The following PPFIBP2 variants were observed in gnomAD, a reference collection of about 807,000 sequenced individuals.
The protein encoded by PPFIBP2 is PPFIB scaffold protein 2.
Under a neutral mutation model 118.3 loss-of-function variants are expected in PPFIBP2, and 118 were observed. The ratio of observed to expected loss-of-function variants is 1.00; its 90% CI spans 0.86 to 1.16. The LOEUF is 1.16. Ranked by LOEUF, PPFIBP2 falls within the 50% of genes most tolerant of loss-of-function variation. The probability of loss-of-function intolerance (pLI) is 0.00; values close to 1 mark genes in which losing one functional copy is unlikely to be tolerated. For synonymous variants in PPFIBP2, 414 were observed against 397.4 expected (o/e 1.04, Z -0.50); for missense variants, 1,195 against 1,073.1 (o/e 1.11, Z -1.59).
rs147136346 is a variant in PPFIBP2, at chr11:7,548,107, A to G, written c.-36-1333A>G. 2.6e-5 allele frequency among the ~76,000 whole-genome samples: 4 copies of G among 152,364 alleles called. No individual in the cohort carries two copies. In the East Asian group the frequency reaches 7.7e-4, roughly 29 times the overall value. ...TTTAATCATGACATCTATGAGTTAG[A>G]TGCTGTTATCCCCATTTTACAGATG... On this transcript the variant is annotated intron_variant, in intron 1 of 23. Coordinates refer to ENST00000299492, the MANE Select transcript of PPFIBP2 (RefSeq NM_003621.5).
intron 5 of PPFIBP2, chr11:7,606,107 C>G (rs1046635823): frequency 2.1e-6 from 3 of 1,401,154 alleles, no homozygotes; most frequent in Non-Finnish European, 2.8e-6. Context: ...GTGAAGAGCA[C>G]TGTCTTAGAA....
At chr11:7,584,676 G>A (rs1227800308) in intron 3 of PPFIBP2, among the ~76,000 whole-genome samples, 1 of 152,214 alleles carries the variant, frequency 6.6e-6, no homozygotes, top group African/African-American at 2.4e-5. Flanking sequence ...TTCCCTTGGT[G>A]TTGGGTAACC....
At chr11:7,591,041 C>G (rs1262159186) in intron 3 of PPFIBP2, among the ~76,000 whole-genome samples, 1 of 152,180 alleles carries the variant, frequency 6.6e-6, no homozygotes, top group Non-Finnish European at 1.5e-5. Context: ...GATCCCCCTT[C>G]TAGCATGTGC....
At chr11:7,636,578 T>G (rs2135828260) in intron 14 of PPFIBP2, among the ~76,000 whole-genome samples, 1 of 152,108 alleles carries the variant, frequency 6.6e-6, no homozygotes, top group Non-Finnish European at 1.5e-5. Flanking sequence ...CAGTCCCCCC[T>G]CCCACCTCAG....
chr11:7,569,504 TCTGGGGC>T (rs1442991318), intron 3 of PPFIBP2, among the ~76,000 whole-genome samples: 1 of 152,202 alleles, frequency 6.6e-6, no homozygotes, highest in Non-Finnish European at 1.5e-5. Flanking sequence ...GGGGATACCC[TCTGGGGC>T]CTCAGTGGGG....
chr11:7,558,617 G>A (rs965850884), intron 2 of PPFIBP2, among the ~76,000 whole-genome samples: 10 of 151,978 alleles, frequency 6.6e-5, no homozygotes, highest in Admixed American at 3.3e-4. Context: ...TTAGCCAGGC[G>A]TGGTGGCGCG....
At chr11:7,577,323 G>GTA (rs1856511067) in intron 3 of PPFIBP2, 8 of 265,436 alleles carry the variant, frequency 3.0e-5, no homozygotes, top group Non-Finnish European at 5.9e-5. Context: ...GTATGTGCGT[G>GTA]TGTGTGTGTG....
chr11:7,610,339 A>G lies in PPFIBP2; in HGVS notation c.535A>G (p.Thr179Ala), dbSNP rs778128882. 5.6e-6 allele frequency: 9 copies of G among 1,614,196 alleles called. No homozygotes were observed. The South Asian group carries it at 8.8e-5, about 16-fold the overall frequency. The change falls in exon 6 of 24, where the codon ACT (threonine) becomes GCT (alanine). Residue 179 changes from threonine to alanine, a missense_variant. Transcript: ENST00000299492. The stretch of plus-strand genomic sequence containing the variant: ...TGAGACCCAGAAGCTCGATCTGATG[A>G]CTGAAGTGTCTGAGCTGAAGCTCAA... The part of the protein sequence containing the change: ...SLETQKLDLM[T>A]EVSELKLKLV...
At chr11:7,533,426 A>G (rs1262765575) in intron 1 of PPFIBP2, among the ~76,000 whole-genome samples, 4 of 152,238 alleles carry the variant, frequency 2.6e-5, no homozygotes, top group Non-Finnish European at 4.4e-5. Flanking sequence ...GTCCTGTGCC[A>G]GGTTCTTTGC....
At chr11:7,602,256 G>T (rs753060048) in intron 5 of PPFIBP2, among the ~76,000 whole-genome samples, 18 of 152,290 alleles carry the variant, frequency 1.2e-4, no homozygotes, top group Non-Finnish European at 1.9e-4. Flanking sequence ...GCATTGCTCA[G>T]CTGCACAGTG....
chr11:7,520,369 C>A (rs1238524127), intron 1 of PPFIBP2, among the ~76,000 whole-genome samples: 2 of 152,152 alleles, frequency 1.3e-5, no homozygotes, highest in African/African-American at 4.8e-5. Context: ...TGCTGTTTTG[C>A]CGACGCACGC....
rs777630701 is a variant in PPFIBP2, at chr11:7,565,644, T to C, written c.156T>C (p.His52=). The change falls in exon 3 of 24, where the codon CAT becomes CAC. Residue 52 remains histidine, a synonymous_variant. Transcript: ENST00000299492. ...ACATGAACCCCTTCCCGGTGCTCCATCTCATCGAGGACTTGAGGCTGGCCT... is the reference window on the plus strand; with the variant it reads ...ACATGAACCCCTTCCCGGTGCTCCACCTCATCGAGGACTTGAGGCTGGCCT... ...ASYMNPFPVL[H]LIEDLRLALE... 1 of 1,614,052 alleles carries C rather than the reference T, an allele frequency of 6.2e-7. No individual in the cohort carries two copies.
At chr11:7,663,232 T>C in the PPFIBP2 span, among the ~76,000 whole-genome samples, 1,680 of 135,564 alleles carry the variant, frequency 0.012, 100 homozygotes, top group Admixed American at 0.04. Context: ...CTCTGCTTTT[T>C]AGAGTTTCCA....
At chr11:7,651,281 A>G (rs1853966417) in intron 22 of PPFIBP2, 2 of 330,194 alleles carry the variant, frequency 6.1e-6, no homozygotes, top group South Asian at 1.3e-4. Flanking sequence ...AGCCGTAAAA[A>G]TGCAGCTTCC....
intron 2 of PPFIBP2, among the ~76,000 whole-genome samples, chr11:7,550,053 A>G (rs1852788218): frequency 6.6e-6 from 1 of 152,174 alleles, no homozygotes; most frequent in Non-Finnish European, 1.5e-5. Context: ...TGGTTTTAAT[A>G]TTTGCATTAG....
chr11:7,527,234 T>TGGGTG (rs1172264945), intron 1 of PPFIBP2, among the ~76,000 whole-genome samples: 2 of 151,846 alleles, frequency 1.3e-5, no homozygotes, highest in Non-Finnish European at 2.9e-5. Context: ...GCTGAGGTTT[T>TGGGTG]GGGTGGGGTG....
At chr11:7,618,996 C>T (rs1367629051) in intron 6 of PPFIBP2, among the ~76,000 whole-genome samples, 1 of 149,912 alleles carries the variant, frequency 6.7e-6, no homozygotes, top group Non-Finnish European at 1.5e-5. Context: ...TAAGCAATGT[C>T]AACTTTGTGG....
chr11:7,612,314 G>A (rs1848162238), intron 6 of PPFIBP2, among the ~76,000 whole-genome samples: 1 of 152,194 alleles, frequency 6.6e-6, no homozygotes, highest in Non-Finnish European at 1.5e-5. Context: ...CTTTCTCAAA[G>A]GTTCCAGCAA....
At chr11:7,605,601 A>T in intron 5 of PPFIBP2, 1 of 695,070 alleles carries the variant, frequency 1.4e-6, no homozygotes, top group Non-Finnish European at 1.8e-6. Flanking sequence ...ATGAGATCCC[A>T]TGAGGATTTT....
Sources: gnomAD v4.1 joint callset for allele counts (sites outside exome capture counted in the v4.1 genomes callset) on GRCh38, gnomAD v4.1.1 for gene constraint, MANE v1.5 for transcripts, NCBI Gene and HGNC (gene_info 2026-07-23, HGNC 2026-07-21) for gene names.